The following RORB variants were observed in gnomAD, a reference collection of about 807,000 sequenced individuals.
RORB encodes the protein nuclear receptor ROR-beta.
A neutral mutation model predicts 59.1 loss-of-function variants in RORB; 6 were observed. The ratio of observed to expected loss-of-function variants is 0.10; its 90% CI spans 0.06 to 0.20. The LOEUF (loss-of-function observed/expected upper bound fraction) is 0.20, where lower values mean the gene tolerates loss of function less well. Ranked by LOEUF, RORB falls within the 10% of genes least tolerant of loss-of-function variation. The pLI is 1.00. For missense variants in RORB, 320 were observed against 560.5 expected (o/e 0.57, Z 4.33); for synonymous variants, 215 against 204.5 (o/e 1.05, Z -0.44).
intron 1 of RORB, among the ~76,000 whole-genome samples, chr9:74,514,206 A>G (rs910228150): frequency 6.6e-6 from 1 of 152,132 alleles, no homozygotes; most frequent in Non-Finnish European, 1.5e-5. Context: ...ATTGTGAATA[A>G]CTACCAACCT....
At position 74,592,993 on chromosome 9, in the gene RORB, C is replaced by T. The variant is rs150281774; in HGVS notation, c.8-37289C>T. Among the ~76,000 whole-genome samples the T allele has an allele frequency of 3.9e-5, 6 of 152,232 alleles. No homozygotes were observed. The East Asian group carries it at 1.2e-3, about 29-fold the overall frequency. On this transcript the variant is annotated intron_variant, in intron 1 of 9. Coordinates refer to ENST00000376896, the MANE Select transcript of RORB (RefSeq NM_006914.4). ...TTGTATCCATAGACCGTTTCTTGGG[C>T]TGATGAGAATCACAGCAGCTTTCTA...
At chr9:74,664,737 G>A (rs1824240440) in intron 6 of RORB, among the ~76,000 whole-genome samples, 1 of 152,200 alleles carries the variant, frequency 6.6e-6, no homozygotes, top group Admixed American at 6.5e-5. Flanking sequence ...AAGATAAAGT[G>A]ATGGCATAAG....
intron 1 of RORB, among the ~76,000 whole-genome samples, chr9:74,623,291 C>T (rs1003855400): frequency 2.6e-5 from 4 of 152,114 alleles, no homozygotes; most frequent in Admixed American, 6.5e-5. Context: ...TGCTAGAATG[C>T]GGAGAAAATG....
At chr9:74,524,723 G>A (rs1454032319) in intron 1 of RORB, among the ~76,000 whole-genome samples, 4 of 151,636 alleles carry the variant, frequency 2.6e-5, no homozygotes, top group East Asian at 3.9e-4. Flanking sequence ...AATATGAAAA[G>A]CCACATTCAA....
At chr9:74,591,373 T>A (rs1029227577) in intron 1 of RORB, among the ~76,000 whole-genome samples, 1 of 152,220 alleles carries the variant, frequency 6.6e-6, no homozygotes, top group African/African-American at 2.4e-5. Context: ...CAAAACATCA[T>A]GGTCTCCTCA....
intron 1 of RORB, among the ~76,000 whole-genome samples, chr9:74,606,856 A>T (rs1823157620): frequency 1.3e-5 from 2 of 152,152 alleles, no homozygotes; most frequent in South Asian, 4.2e-4. Flanking sequence ...AATAGCAATA[A>T]ATGAACCAAA....
Position 74,665,605 on chromosome 9 carries a change from C to T in RORB, c.1000+10C>T, listed in dbSNP as rs1587414324. The T allele has an allele frequency of 3.2e-6, 5 of 1,553,230 alleles. No individual in the cohort carries two copies. The highest frequency in any genetic ancestry group is 4.4e-6 in the Non-Finnish European group (5 of 1,126,542). On this transcript the variant is annotated intron_variant, in intron 7 of 9. Transcript: ENST00000376896. ...ATGTTCAAAGCCTTAGGTAAGTTTC[C>T]CTTTGATGAGGACACAATTTTATTA...
chr9:74,648,790 A>G (rs753957913), intron 4 of RORB, among the ~76,000 whole-genome samples: 5 of 152,302 alleles, frequency 3.3e-5, no homozygotes, highest in Admixed American at 6.5e-5. Flanking sequence ...AGCTCAAGGA[A>G]AGGGTAGTAG....
chr9:74,593,481 A>C (rs1822930733), intron 1 of RORB, among the ~76,000 whole-genome samples: 2 of 151,852 alleles, frequency 1.3e-5, no homozygotes, highest in African/African-American at 2.4e-5. Context: ...AAAAAAAAAA[A>C]AAACAAAAGA....
intron 4 of RORB, among the ~76,000 whole-genome samples, chr9:74,645,618 AC>A (rs1244564849): frequency 2.0e-5 from 3 of 152,114 alleles, no homozygotes; most frequent in Non-Finnish European, 2.9e-5. Flanking sequence ...ATTTTAATTG[AC>A]TATTAGTATC....
rs535698761 is a variant in RORB at position 74,627,023 on chromosome 9, A to G, written c.8-3259A>G. Among the ~76,000 whole-genome samples the G allele has an allele frequency of 1.6e-4, 25 of 152,192 alleles. 1 individual carries two copies. The South Asian group carries it at 2.1e-3, about 13-fold the overall frequency. On this transcript the variant is annotated intron_variant, in intron 1 of 9. Coordinates refer to ENST00000376896, the MANE Select transcript of RORB (RefSeq NM_006914.4). Reference sequence around the variant, plus strand: ...CTAAAAATACAAAAATTAGCTGGGCATGGTGGCACACACCGGTAGTCCCAG... The same window carrying G: ...CTAAAAATACAAAAATTAGCTGGGCGTGGTGGCACACACCGGTAGTCCCAG...
chr9:74,617,256 A>C (rs1313826578), intron 1 of RORB, among the ~76,000 whole-genome samples: 1 of 152,224 alleles, frequency 6.6e-6, no homozygotes, highest in African/African-American at 2.4e-5. Flanking sequence ...AAGTATCTCC[A>C]TTCAAATATT....
At chr9:74,514,615 C>T (rs1825983412) in intron 1 of RORB, among the ~76,000 whole-genome samples, 1 of 150,374 alleles carries the variant, frequency 6.7e-6, no homozygotes, top group Non-Finnish European at 1.5e-5. Flanking sequence ...GTATTTAAGC[C>T]TTAAGAGGAT....
chr9:74,684,560 G>T (rs1171371528), intron 9 of RORB, among the ~76,000 whole-genome samples: 1 of 152,042 alleles, frequency 6.6e-6, no homozygotes, highest in Non-Finnish European at 1.5e-5. Context: ...AGCTGGAATT[G>T]TTCATCTCCT....
At chr9:74,590,428 G>A (rs1332032500) in intron 1 of RORB, among the ~76,000 whole-genome samples, 1 of 152,176 alleles carries the variant, frequency 6.6e-6, no homozygotes, top group African/African-American at 2.4e-5. Context: ...TTAAAATGCT[G>A]TACCACGGTC....
At chr9:74,535,258 A>C (rs1826304869) in intron 1 of RORB, among the ~76,000 whole-genome samples, 1 of 152,086 alleles carries the variant, frequency 6.6e-6, no homozygotes, top group Non-Finnish European at 1.5e-5. Flanking sequence ...AAGGAGATGA[A>C]AAAACAAATC....
intron 1 of RORB, among the ~76,000 whole-genome samples, chr9:74,541,234 C>T (rs1044110184): frequency 7.3e-6 from 1 of 136,666 alleles, no homozygotes; most frequent in Non-Finnish European, 1.5e-5. Flanking sequence ...GAGCCAAGAT[C>T]GCGCCACTGC....
At chr9:74,543,280 C>T (rs994921496) in intron 1 of RORB, among the ~76,000 whole-genome samples, 2 of 152,164 alleles carry the variant, frequency 1.3e-5, no homozygotes, top group African/African-American at 4.8e-5. Context: ...CCAGTAGTAT[C>T]TACAGGCTTC....
At chr9:74,625,720 A>C (rs775368113) in intron 1 of RORB, among the ~76,000 whole-genome samples, 5 of 152,260 alleles carry the variant, frequency 3.3e-5, no homozygotes, top group Non-Finnish European at 5.9e-5. Context: ...AAGGAGTTAT[A>C]AAAATTCTCC....
Sources: gnomAD v4.1 joint callset for allele counts (sites outside exome capture counted in the v4.1 genomes callset) on GRCh38, gnomAD v4.1.1 for gene constraint, MANE v1.5 for transcripts, NCBI Gene and HGNC (gene_info 2026-07-23, HGNC 2026-07-21) for gene names.